TMEM135: variants seen among roughly 807,000 people sequenced by gnomAD.
The protein encoded by TMEM135 is transmembrane protein 135.
TMEM135 carries 30 observed loss-of-function variants against 60.3 expected under a neutral mutation model. The ratio of observed to expected loss-of-function variants is 0.50; its 90% CI spans 0.37 to 0.68. The LOEUF (loss-of-function observed/expected upper bound fraction) is 0.68. Ranked by LOEUF, TMEM135 falls within the 30% of genes least tolerant of loss-of-function variation. The pLI, the probability that TMEM135 is intolerant of heterozygous loss-of-function variation, is 0.00. For missense variants in TMEM135, 468 were observed against 548.8 expected, an observed-to-expected ratio of 0.85 and a Z score of 1.47; for synonymous variants, 190 against 186.7, an observed-to-expected ratio of 1.02 and a Z score of -0.14.
chr11:87,270,390 T>C (rs1382391866), intron 6 of TMEM135, among the ~76,000 whole-genome samples: 1 of 152,158 alleles, frequency 6.6e-6, no homozygotes, highest in Non-Finnish European at 1.5e-5. Context: ...TTGCCATTGC[T>C]TTTGGTGTTT....
In TMEM135 at chr11:87,067,757, C is replaced by A; in HGVS notation, c.205C>A (p.Leu69Ile). 3 of 1,613,946 alleles carry A rather than the reference C, an allele frequency of 1.9e-6. 1 individual carries two copies. The East Asian group carries it at 6.7e-5, about 36-fold the overall frequency. Residue 69 changes from leucine (L) to isoleucine (I), a missense_variant, in exon 2 of 15, where the codon CTA (leucine) becomes ATA (isoleucine). Transcript: ENST00000305494. ...TTTACACAAACTACTCCCTGAGATC[C>A]TACAATCCGCTTCATTTCTAACTGC... Reference protein sequence around the residue: ...YYLHKLLPEILQSASFLTANG... With the variant: ...YYLHKLLPEIIQSASFLTANG...
intron 5 of TMEM135, among the ~76,000 whole-genome samples, chr11:87,159,617 A>C (rs74925065): frequency 7.4e-5 from 11 of 149,458 alleles, no homozygotes; most frequent in East Asian, 6.0e-4. Context: ...ACACACACAC[A>C]CCATAGATTT....
chr11:87,071,618 A>G lies in TMEM135; in HGVS notation c.362+3A>G. The G allele has an allele frequency of 1.2e-6, 2 of 1,612,656 alleles. No homozygotes were observed. The highest frequency in any genetic ancestry group is 1.7e-6 in the Non-Finnish European group (2 of 1,179,136). On this transcript the variant is annotated splice_donor_region_variant and intron_variant, in intron 3 of 14. Transcript: ENST00000305494. ...ATTCTCATTGAAAGAAAAAGCAGGT[A>G]AAATTTCATATATTTATTTAACGGA... is the stretch of plus-strand genomic sequence containing the variant.
intron 3 of TMEM135, among the ~76,000 whole-genome samples, chr11:87,076,949 T>C (rs897186300): frequency 1.3e-5 from 2 of 152,204 alleles, no homozygotes; most frequent in African/African-American, 4.8e-5. Flanking sequence ...AACCAGGAAG[T>C]TGACATTACT....
intron 4 of TMEM135, among the ~76,000 whole-genome samples, chr11:87,107,781 A>G (rs1490746669): frequency 4.6e-5 from 7 of 152,030 alleles, no homozygotes; most frequent in Non-Finnish European, 8.8e-5. Context: ...ATATACCCAT[A>G]TGGGATTGCT....
intron 5 of TMEM135, among the ~76,000 whole-genome samples, chr11:87,166,417 C>G (rs993553338): frequency 6.6e-6 from 1 of 151,626 alleles, no homozygotes; most frequent in East Asian, 1.9e-4. Context: ...AGGTTTTCTT[C>G]TAGGGTTTTT....
At chr11:87,103,641 A>T (rs1315292530) in intron 4 of TMEM135, among the ~76,000 whole-genome samples, 1 of 151,774 alleles carries the variant, frequency 6.6e-6, no homozygotes, top group Non-Finnish European at 1.5e-5. Context: ...ATTTTCTCCT[A>T]ATCTTTGGAA....
At chr11:87,238,072 G>A (rs922587581) in intron 6 of TMEM135, among the ~76,000 whole-genome samples, 1 of 151,780 alleles carries the variant, frequency 6.6e-6, no homozygotes, top group Non-Finnish European at 1.5e-5. Context: ...TCTGTCAGTG[G>A]ACACTTAGCC....
At chr11:87,254,088 TA>T (rs1210873194) in intron 6 of TMEM135, among the ~76,000 whole-genome samples, 1 of 152,146 alleles carries the variant, frequency 6.6e-6, no homozygotes, top group Admixed American at 6.6e-5. Context: ...CATTCATAGG[TA>T]AAAGAAATAA....
At chr11:87,228,943 A>G (rs147890655) in intron 5 of TMEM135, among the ~76,000 whole-genome samples, 241 of 152,216 alleles carry the variant, frequency 1.6e-3, no homozygotes, top group African/African-American at 5.7e-3. Flanking sequence ...TTTTCGTGTA[A>G]TTCTACATGA....
intron 1 of TMEM135, among the ~76,000 whole-genome samples, chr11:87,043,442 T>G (rs906509910): frequency 1.3e-5 from 2 of 152,014 alleles, no homozygotes; most frequent in African/African-American, 4.8e-5. Flanking sequence ...TATTAAACTG[T>G]TGGCTGGGTG....
At chr11:87,295,658 C>A in intron 6 of TMEM135, 124 bp from the exon 7 acceptor site, 1 of 725,522 alleles carries the variant, frequency 1.4e-6, no homozygotes, top group Non-Finnish European at 2.3e-6. Flanking sequence ...TTTGACCATT[C>A]ATAATGTTCA....
chr11:87,302,146 G>A, intron 7 of TMEM135, 150 bp from the exon 8 acceptor site: 2 of 841,338 alleles, frequency 2.4e-6, no homozygotes, highest in South Asian at 1.8e-5. Flanking sequence ...TTTCTTCATA[G>A]GATGATTTGA....
chr11:87,129,974 A>G (rs1025633077), intron 4 of TMEM135, among the ~76,000 whole-genome samples: 4 of 152,200 alleles, frequency 2.6e-5, no homozygotes, highest in African/African-American at 9.7e-5. Flanking sequence ...ATCTAGAATA[A>G]AGAATATGGG....
chr11:87,103,108 A>G (rs150164780), intron 4 of TMEM135, among the ~76,000 whole-genome samples: 15 of 152,236 alleles, frequency 9.9e-5, no homozygotes, highest in African/African-American at 3.4e-4. Context: ...TGTCTTGGTT[A>G]TTGTGAATAG....
At chr11:87,170,168 T>A (rs1341866857) in intron 5 of TMEM135, among the ~76,000 whole-genome samples, 1 of 152,212 alleles carries the variant, frequency 6.6e-6, no homozygotes, top group Non-Finnish European at 1.5e-5. Flanking sequence ...AACTGGTTAT[T>A]CTAGTTAGCA....
chr11:87,267,485 G>A (rs1169676958), intron 6 of TMEM135, among the ~76,000 whole-genome samples: 1 of 151,968 alleles, frequency 6.6e-6, no homozygotes, highest in Non-Finnish European at 1.5e-5. Context: ...AAACAAAAGT[G>A]TTTTTGTGAA....
chr11:87,183,269 A>G (rs1487730079), intron 5 of TMEM135, among the ~76,000 whole-genome samples: 1 of 150,208 alleles, frequency 6.7e-6, no homozygotes, highest in Non-Finnish European at 1.5e-5. Flanking sequence ...CAGCCTCCTG[A>G]GTAGTTGGGA....
At chr11:87,274,622 A>G (rs960645431) in intron 6 of TMEM135, among the ~76,000 whole-genome samples, 21 of 151,890 alleles carry the variant, frequency 1.4e-4, no homozygotes, top group African/African-American at 5.1e-4. Flanking sequence ...TATATTTTCA[A>G]CTCCATGTCC....
Sources: gnomAD v4.1 joint callset for allele counts (sites outside exome capture counted in the v4.1 genomes callset) on GRCh38, gnomAD v4.1.1 for gene constraint, MANE v1.5 for transcripts, NCBI Gene and HGNC (gene_info 2026-07-23, HGNC 2026-07-21) for gene names.